GFRA3: variants seen among roughly 807,000 people sequenced by gnomAD.
GFRA3 encodes GDNF family receptor alpha-3.
A neutral mutation model predicts 40.0 loss-of-function variants in GFRA3; 24 were observed. That is an observed-to-expected ratio of 0.60 (90% confidence interval 0.43 to 0.84). The LOEUF (loss-of-function observed/expected upper bound fraction) is 0.84. GFRA3 is among the 40% of genes least tolerant of loss of function. The pLI is 0.00. For missense variants in GFRA3, 405 were observed against 530.6 expected (o/e 0.76, Z 2.33); for synonymous variants, 203 against 213.5 (o/e 0.95, Z 0.43).
rs115929904 is a variant in GFRA3, at chr5:138,254,001, T to C, written c.889+56A>G. On this transcript the variant is annotated intron_variant, in intron 5 of 7. Transcript: ENST00000274721. ...GATCACATCCTTTATCTCCGGAGCA[T>C]TCTTACCCTCAGGCCTAGCCAACAT... 4.5e-3 allele frequency: 6,975 copies of C among 1,563,270 alleles called. 24 individuals are homozygous for C. The highest frequency in any genetic ancestry group is 4.9e-3 in the Non-Finnish European group (5,537 of 1,134,258).
chr5:138,271,197 G>A (rs1279536778), intron 1 of GFRA3, among the ~76,000 whole-genome samples: 1 of 152,078 alleles, frequency 6.6e-6, no homozygotes, highest in Non-Finnish European at 1.5e-5. Flanking sequence ...TCTCGATGTT[G>A]GTCAGGCTGA....
At chr5:138,261,838 G>A (rs532905217) in intron 2 of GFRA3, among the ~76,000 whole-genome samples, 3 of 152,098 alleles carry the variant, frequency 2.0e-5, no homozygotes, top group Non-Finnish European at 4.4e-5. Context: ...GACCAAATGA[G>A]GTATGTGGCT....
chr5:138,256,483 G>A (rs1755630609), intron 4 of GFRA3, among the ~76,000 whole-genome samples: 1 of 148,292 alleles, frequency 6.7e-6, no homozygotes, highest in African/African-American at 2.5e-5. Flanking sequence ...AGCCGAGACT[G>A]CGCCACTGCA....
chr5:138,274,355 A>ACGG lies in GFRA3; in HGVS notation c.67_69dup (p.Pro23dup). 1 of 1,338,592 alleles carries ACGG rather than the reference A, an allele frequency of 7.5e-7. No homozygotes were observed. Among genetic ancestry groups the ACGG allele is most frequent in the Non-Finnish European group, 9.6e-7 (1 of 1,040,214 alleles). 82.9% of individuals were successfully genotyped at this position (1,338,592 alleles called of 1,614,324 possible). On this transcript the variant is annotated inframe_insertion, in exon 1 of 8. Transcript: ENST00000274721. ...TCACCGGCTGCGAGAGGCAGCGGCGACGGCGGCAGCAGCAGCAGCAACATC... is the reference window on the plus strand; with the variant it reads ...TCACCGGCTGCGAGAGGCAGCGGCGACGGCGGCGGCAGCAGCAGCAGCAACATC...
chr5:138,269,418 C>T (rs1000961357), intron 1 of GFRA3, among the ~76,000 whole-genome samples: 2 of 151,920 alleles, frequency 1.3e-5, no homozygotes, highest in African/African-American at 4.8e-5. Context: ...CACCTGTTAT[C>T]CCAGCTACTC....
intron 1 of GFRA3, among the ~76,000 whole-genome samples, chr5:138,268,044 G>A (rs1034645473): frequency 6.6e-6 from 1 of 152,012 alleles, no homozygotes; most frequent in Admixed American, 6.6e-5. Context: ...CAGCACTTTG[G>A]GAGGCCAAGG....
At chr5:138,263,928 G>A (rs1159371725) in intron 2 of GFRA3, among the ~76,000 whole-genome samples, 1 of 152,184 alleles carries the variant, frequency 6.6e-6, no homozygotes, top group Admixed American at 6.5e-5. Context: ...TTTGGAGCCT[G>A]TTTATGGGTT....
At chr5:138,271,673 G>GCCCT (rs1361319686) in intron 1 of GFRA3, among the ~76,000 whole-genome samples, 1 of 135,450 alleles carries the variant, frequency 7.4e-6, no homozygotes, top group Non-Finnish European at 1.6e-5. Flanking sequence ...GACCTCCCAG[G>GCCCT]CTCAGGTGAA....
chr5:138,269,803 A>G (rs1755841608), intron 1 of GFRA3, among the ~76,000 whole-genome samples: 1 of 147,014 alleles, frequency 6.8e-6, no homozygotes, highest in Non-Finnish European at 1.5e-5. Flanking sequence ...AGATCATGCC[A>G]TTGCACTCCA....
intron 5 of GFRA3, 45 bp downstream of exon 5, chr5:138,254,012 A>G (rs1023044296): frequency 5.1e-6 from 8 of 1,556,172 alleles, no homozygotes; most frequent in Non-Finnish European, 6.2e-6. Flanking sequence ...TCTTACCCTC[A>G]GGCCTAGCCA....
Position 138,264,563 on chromosome 5 carries a change from A to G in GFRA3, c.92-15T>C, listed in dbSNP as rs776150978. 8 of 1,563,534 alleles carry G rather than the reference A, an allele frequency of 5.1e-6. No individual in the cohort carries two copies. In the Admixed American group the frequency reaches 1.2e-4, roughly 24 times the overall value. On this transcript the variant is annotated splice_polypyrimidine_tract_variant and intron_variant, in intron 1 of 7. Transcript: ENST00000274721. ...AAGGGGGTCTCCTGTAAAGGGAGAT[A>G]CCAGGTGAGGCTACGTAAGATTAGA...
chr5:138,270,996 A>C (rs1242786311), intron 1 of GFRA3, among the ~76,000 whole-genome samples: 1 of 151,898 alleles, frequency 6.6e-6, no homozygotes, highest in African/African-American at 2.4e-5. Context: ...GACTAAAAAT[A>C]ATTTTTTTTT....
chr5:138,254,007 C>A, intron 5 of GFRA3, 50 bp downstream of exon 5: 1 of 1,557,268 alleles, frequency 6.4e-7, no homozygotes. Flanking sequence ...AGCATTCTTA[C>A]CCTCAGGCCT....
intron 6 of GFRA3, 151 bp from the exon 7 acceptor site, chr5:138,253,526 GTT>G (rs1307171106): frequency 1.4e-6 from 1 of 693,892 alleles, no homozygotes; most frequent in Admixed American, 2.1e-5. Context: ...CATTCTGCTT[GTT>G]TCTTGAGCTG....
At chr5:138,256,384 C>T (rs1193485821) in intron 4 of GFRA3, among the ~76,000 whole-genome samples, 3 of 148,650 alleles carry the variant, frequency 2.0e-5, no homozygotes, top group Admixed American at 6.7e-5. Flanking sequence ...AAAATTTAGC[C>T]GGGCCTGGTG....
intron 1 of GFRA3, chr5:138,267,188 C>CTTTTTTTTTTTTTTTTTTT: frequency 9.9e-6 from 1 of 101,338 alleles, no homozygotes; most frequent in Non-Finnish European, 1.9e-5. Context: ...TTCTTTTATG[C>CTTTTTTTTTTTTTTTTTTT]TTTTTTTTTT....
At chr5:138,259,520 C>A (rs1429385907) in intron 3 of GFRA3, 37 bp downstream of exon 3, 2 of 919,814 alleles carry the variant, frequency 2.2e-6, no homozygotes, top group South Asian at 2.6e-5. Context: ...GGGTCCAGCC[C>A]CAGCCTCTGG....
Position 138,253,240 on chromosome 5 carries a change from C to T in GFRA3, c.1113+47G>A, listed in dbSNP as rs778525663. ...TTGTCTGCCTAGTTTGGGTTTTCCC[C>T]AGCCGGCCCAGTAAAGGTCTGAGGG... On this transcript the variant is annotated intron_variant, in intron 7 of 7. Coordinates refer to ENST00000274721, the MANE Select transcript of GFRA3 (RefSeq NM_001496.4). The T allele has an allele frequency of 8.4e-6, 11 of 1,314,192 alleles. No individual in the cohort carries two copies. In the East Asian group the frequency reaches 2.2e-4, roughly 26 times the overall value. 81.4% of individuals were successfully genotyped at this position (1,314,192 alleles called of 1,614,324 possible).
At chr5:138,272,124 G>A (rs1755885217) in intron 1 of GFRA3, among the ~76,000 whole-genome samples, 1 of 150,586 alleles carries the variant, frequency 6.6e-6, no homozygotes, top group African/African-American at 2.4e-5. Context: ...TCCTGCCTCA[G>A]CCTCCCGGGT....
Sources: allele counts gnomAD v4.1 joint callset (sites outside exome capture counted in the v4.1 genomes callset), GRCh38; gene constraint gnomAD v4.1.1; transcripts MANE v1.5; gene names NCBI Gene and HGNC (gene_info 2026-07-23, HGNC 2026-07-21).